RRP12: variants seen among roughly 807,000 people sequenced by gnomAD.
The protein encoded by RRP12 is RRP12-like protein.
Under a neutral mutation model 157.3 loss-of-function variants are expected in RRP12, and 78 were observed. The observed-to-expected ratio is 0.50, with a 90% CI of 0.41 to 0.60. The LOEUF (loss-of-function observed/expected upper bound fraction) is 0.60. Among genes scored for constraint, RRP12 ranks in the 20% least tolerant of loss-of-function variants. RRP12 has a pLI of 0.00. For missense variants in RRP12, 1,521 were observed against 1,679.9 expected (o/e 0.91, Z 1.65); for synonymous variants, 726 against 670.9 (o/e 1.08, Z -1.27).
At chr10:97,388,103 C>T (rs553432798) in intron 8 of RRP12, 149 bp downstream of exon 8, 4 of 1,001,376 alleles carry the variant, frequency 4.0e-6, no homozygotes, top group Non-Finnish European at 5.9e-6. Flanking sequence ...CCTAGCCAAA[C>T]ACCACAGAGT....
At chr10:97,392,625 A>G (rs931837948) in intron 4 of RRP12, among the ~76,000 whole-genome samples, 1 of 151,982 alleles carries the variant, frequency 6.6e-6, no homozygotes, top group Non-Finnish European at 1.5e-5. Flanking sequence ...CTGGGATTAC[A>G]GGTATGAGCC....
chr10:97,361,519 G>A (rs1843841141), intron 30 of RRP12, among the ~76,000 whole-genome samples: 1 of 152,194 alleles, frequency 6.6e-6, no homozygotes, highest in South Asian at 2.1e-4. Context: ...GGCCAACCAG[G>A]GGAAAGGTAT....
chr10:97,392,487 TTACAGGCATG>T (rs1463506182), intron 4 of RRP12, among the ~76,000 whole-genome samples: 15 of 152,048 alleles, frequency 9.9e-5, no homozygotes, highest in Non-Finnish European at 1.5e-5. Context: ...GTAGCTGGGA[TTACAGGCATG>T]TACCACTACA....
Position 97,381,718 on chromosome 10 carries a change from G to A in RRP12, c.1317C>T (p.Leu439=), listed in dbSNP as rs2133069576. 3.7e-6 allele frequency: 6 copies of A among 1,611,554 alleles called. No homozygotes were observed. Among genetic ancestry groups the A allele is most frequent in the Non-Finnish European group, 3.4e-6 (4 of 1,177,674 alleles). The change falls in exon 11 of 34, where the codon CTC becomes CTT. Residue 439 remains leucine, a synonymous_variant. Transcript: ENST00000370992. Reference sequence around the variant, plus strand: ...TCCTCAGCTAAAGTTGCAGTACCTTGAGGCTCTGCGTAGCAGCAGTCAGCA... The same window carrying A: ...TCCTCAGCTAAAGTTGCAGTACCTTAAGGCTCTGCGTAGCAGCAGTCAGCA... ...SQVLTAATQS[L]KEILKECVAP...
Position 97,401,293 on chromosome 10 carries a change from G to A in RRP12, c.-62C>T, listed in dbSNP as rs1421309742. The A allele has an allele frequency of 1.9e-6, 3 of 1,602,702 alleles. No homozygotes were observed. The highest frequency in any genetic ancestry group is 1.3e-5 in the African/African-American group (1 of 74,702). On this transcript the variant is annotated 5_prime_UTR_variant, in exon 1 of 34. Coordinates refer to ENST00000370992, the MANE Select transcript of RRP12 (RefSeq NM_015179.4). Reference sequence around the variant, plus strand: ...CCGGCTTCCAGGGACGTAGAAACACGCTCAGAACCCACGTGGATACCCTGT... The same window carrying A: ...CCGGCTTCCAGGGACGTAGAAACACACTCAGAACCCACGTGGATACCCTGT...
intron 14 of RRP12, 98 bp downstream of exon 14, chr10:97,379,530 T>A: frequency 1.3e-6 from 2 of 1,591,352 alleles, no homozygotes; most frequent in South Asian, 2.2e-5. Flanking sequence ...TGCTGAGCCC[T>A]GCACTGACAC....
Position 97,378,806 on chromosome 10 carries a change from G to A in RRP12, c.1798+487C>T, listed in dbSNP as rs1445335804. ...CGGAAGGCGGAGGTTGCAGTGAGCCGAGATTGCGCCACTGTGCTCCAGCCT... is the reference window on the plus strand; with the variant it reads ...CGGAAGGCGGAGGTTGCAGTGAGCCAAGATTGCGCCACTGTGCTCCAGCCT... On this transcript the variant is annotated intron_variant, in intron 15 of 33. Coordinates refer to ENST00000370992, the MANE Select transcript of RRP12 (RefSeq NM_015179.4). 3.3e-5 allele frequency among the ~76,000 whole-genome samples: 5 copies of A among 152,086 alleles called. No homozygotes were observed. In the East Asian group the frequency reaches 5.8e-4, roughly 18 times the overall value.
Position 97,366,172 on chromosome 10 carries a change from A to T in RRP12, c.3453T>A (p.Asp1151Glu). 1 of 1,610,156 alleles carries T rather than the reference A, an allele frequency of 6.2e-7. No individual in the cohort carries two copies. The highest frequency in any genetic ancestry group is 8.5e-7 in the Non-Finnish European group (1 of 1,179,954). Residue 1151 changes from aspartate (D) to glutamate (E), a missense_variant, in exon 29 of 34, where the codon GAT (aspartate) becomes GAA (glutamate). Coordinates refer to ENST00000370992, the MANE Select transcript of RRP12 (RefSeq NM_015179.4). ...CCTCCTCCCTTATGATCAGCCGGCC[A>T]TCGGCGCTCACCTTGAAGCCGTGGT... ...KKDHGFKVSA[D>E]GRLIIREEAD...
intron 2 of RRP12, among the ~76,000 whole-genome samples, chr10:97,397,358 C>T (rs1185640350): frequency 6.6e-6 from 1 of 151,162 alleles, no homozygotes; most frequent in East Asian, 2.0e-4. Context: ...GATGGAGTTT[C>T]ACCATGCTGG....
intron 33 of RRP12, 96 bp from the exon 34 acceptor site, chr10:97,357,292 T>G (rs531656425): frequency 1.4e-6 from 1 of 734,244 alleles, no homozygotes; most frequent in African/African-American, 1.8e-5. Flanking sequence ...CCAGCAGGGA[T>G]GAGAAGGGGG....
intron 13 of RRP12, 82 bp from the exon 14 acceptor site, chr10:97,379,852 T>C (rs11189175): frequency 0.34 from 477,250 of 1,408,158 alleles, 82,569 homozygotes; most frequent in African/African-American, 0.5. Context: ...ACGATGAGGC[T>C]GGAATTCTGG....
chr10:97,369,285 A>C (rs1346687851), intron 25 of RRP12, 140 bp downstream of exon 25: 2 of 845,964 alleles, frequency 2.4e-6, no homozygotes, highest in African/African-American at 1.7e-5. Flanking sequence ...GCATTCCCCT[A>C]TGGTCCCTTT....
chr10:97,365,252 G>A (rs2133036218), intron 29 of RRP12, among the ~76,000 whole-genome samples: 1 of 150,092 alleles, frequency 6.7e-6, no homozygotes, highest in South Asian at 2.1e-4. Flanking sequence ...GATGACAGGT[G>A]TGTTCTTGAA....
chr10:97,388,022 A>G (rs1844687622), intron 8 of RRP12: 1 of 529,022 alleles, frequency 1.9e-6, no homozygotes. Context: ...AGCCCACTAC[A>G]GATCCACCCT....
Position 97,386,906 on chromosome 10 carries a change from C to T in RRP12, c.1018-913G>A, listed in dbSNP as rs182056396. Among the ~76,000 whole-genome samples the T allele has an allele frequency of 6.6e-5, 10 of 152,120 alleles. No individual in the cohort carries two copies. The East Asian group carries it at 7.7e-4, about 12-fold the overall frequency. The stretch of plus-strand genomic sequence containing the variant: ...TCGGGAGGCTGAGGCAGGAGAATGG[C>T]GTGAACCCGGAAGGCGGAGTTTGCA... On this transcript the variant is annotated intron_variant, in intron 8 of 33. Transcript: ENST00000370992.
At chr10:97,379,494 A>G in intron 14 of RRP12, 80 bp from the exon 15 acceptor site, 1 of 1,599,280 alleles carries the variant, frequency 6.3e-7, no homozygotes, top group Non-Finnish European at 8.5e-7. Context: ...AGCCCAGGAC[A>G]GAGTAAGACC....
chr10:97,390,492 G>A lies in RRP12; in HGVS notation c.684C>T (p.Ala228=). ...ATLLRKQDLE[A]WGYPVTLQVY... ...CCTGAAGGGTCACGGGGTAGCCCCA[G>A]GCCTCCAGGTCTTGCTTCCGCAGAA... The change falls in exon 6 of 34, where the codon GCC becomes GCT. Residue 228 remains alanine (A), a synonymous_variant. Transcript: ENST00000370992. The A allele has an allele frequency of 6.2e-7, 1 of 1,614,136 alleles. No individual in the cohort carries two copies. The highest frequency in any genetic ancestry group is 8.5e-7 in the Non-Finnish European group (1 of 1,180,026).
chr10:97,398,039 ATTTTTTTTTTTT>A (rs1184698036), intron 2 of RRP12, among the ~76,000 whole-genome samples: 2 of 56,028 alleles, frequency 3.6e-5, no homozygotes, highest in African/African-American at 8.7e-5. Flanking sequence ...ATATATACGT[ATTTTTTTTTTTT>A]TTTTTTTTTT....
At position 97,401,319 on chromosome 10, in the gene RRP12, A is replaced by G; in HGVS notation, c.-88T>C. 2 of 1,506,314 alleles carry G rather than the reference A, an allele frequency of 1.3e-6. No individual in the cohort carries two copies. The highest frequency in any genetic ancestry group is 1.8e-6 in the Non-Finnish European group (2 of 1,097,396). 93.3% of individuals were successfully genotyped at this position (1,506,314 alleles called of 1,614,324 possible). On this transcript the variant is annotated 5_prime_UTR_variant, in exon 1 of 34. Transcript: ENST00000370992. ...CTCAGAACCCACGTGGATACCCTGT[A>G]GCCTTCACTTCCTCTTCTTCTGGCG...
Sources: gnomAD v4.1 joint callset for allele counts (sites outside exome capture counted in the v4.1 genomes callset) on GRCh38, gnomAD v4.1.1 for gene constraint, MANE v1.5 for transcripts, NCBI Gene and HGNC (gene_info 2026-07-23, HGNC 2026-07-21) for gene names.